RNF217: variants seen among roughly 807,000 people sequenced by gnomAD.
The protein encoded by RNF217 is E3 ubiquitin-protein ligase RNF217.
RNF217 carries 31 observed loss-of-function variants against 57.8 expected under a neutral mutation model. The observed-to-expected ratio is 0.54, with a 90% confidence interval of 0.40 to 0.72. The LOEUF is 0.72. Among genes scored for constraint, RNF217 ranks in the 30% least tolerant of loss-of-function variants. RNF217 has a pLI of 0.00. For missense variants in RNF217, 696 were observed against 708.3 expected, an observed-to-expected ratio of 0.98 and a Z score of 0.20; for synonymous variants, 313 against 294.0, an observed-to-expected ratio of 1.06 and a Z score of -0.66.
At chr6:124,980,295 CT>C (rs908499100) in intron 1 of RNF217, among the ~76,000 whole-genome samples, 1 of 152,228 alleles carries the variant, frequency 6.6e-6, no homozygotes, top group South Asian at 2.1e-4. Flanking sequence ...TTGCAATTTG[CT>C]TTTTTTCAGT....
At chr6:125,061,765 T>A (rs1787742743) in intron 3 of RNF217, among the ~76,000 whole-genome samples, 1 of 152,010 alleles carries the variant, frequency 6.6e-6, no homozygotes, top group African/African-American at 2.4e-5. Context: ...TTTATATATT[T>A]ACATATCTTT....
At chr6:125,061,165 C>A (rs1347664579) in intron 3 of RNF217, among the ~76,000 whole-genome samples, 2 of 151,374 alleles carry the variant, frequency 1.3e-5, no homozygotes, top group East Asian at 3.9e-4. Context: ...ATATTTTATA[C>A]CTTTGAAAGC....
chr6:124,983,375 AGAG>A, intron 1 of RNF217: 1 of 985,078 alleles, frequency 1.0e-6, no homozygotes, highest in Non-Finnish European at 1.2e-6. Context: ...TTTAGTATAC[AGAG>A]GAGGACACAA....
chr6:125,009,249 C>T (rs1215917095), intron 1 of RNF217: 2 of 1,610,500 alleles, frequency 1.2e-6, no homozygotes, highest in Non-Finnish European at 1.7e-6. Flanking sequence ...TCTTCTCATC[C>T]ACACCCATAA....
At chr6:125,053,901 G>T (rs1315134501) in intron 2 of RNF217, among the ~76,000 whole-genome samples, 2 of 152,098 alleles carry the variant, frequency 1.3e-5, no homozygotes, top group African/African-American at 4.8e-5. Context: ...ATAGTGCTTA[G>T]TAAAAGTTCA....
chr6:125,076,235 A>G (rs1788363369), intron 3 of RNF217, among the ~76,000 whole-genome samples: 1 of 152,144 alleles, frequency 6.6e-6, no homozygotes, highest in Admixed American at 6.6e-5. Context: ...CTTTTATGTA[A>G]TCCTTTCTTT....
At position 124,982,436 on chromosome 6, in the gene RNF217, T is replaced by G. The variant is rs149142643; in HGVS notation, c.882+19010T>G. Among the ~76,000 whole-genome samples the G allele has an allele frequency of 2.4e-3, 369 of 152,258 alleles. 2 individuals carry two copies. Among genetic ancestry groups the G allele is most frequent in the African/African-American group, 8.3e-3 (346 of 41,548 alleles). ...ACAAGATACTTTTTCAATATTTATC[T>G]CACTTTCCAGATACTTGGATATTTT... is the stretch of plus-strand genomic sequence containing the variant. On this transcript the variant is annotated intron_variant, in intron 1 of 5. Coordinates refer to ENST00000521654, the MANE Select transcript of RNF217 (RefSeq NM_001286398.3).
Position 124,966,629 on chromosome 6 carries a change from A to G in RNF217, c.882+3203A>G, listed in dbSNP as rs143297354. Among the ~76,000 whole-genome samples the G allele has an allele frequency of 2.3e-3, 352 of 152,368 alleles. 2 individuals carry two copies. Among genetic ancestry groups the G allele is most frequent in the African/African-American group, 8.0e-3 (332 of 41,588 alleles). ...CATTTAAGAAAATAAAAGAGTCCCT[A>G]TTAAACATTTTATGCCAACATTAAA... On this transcript the variant is annotated intron_variant, in intron 1 of 5. Transcript: ENST00000521654.
intron 4 of RNF217, among the ~76,000 whole-genome samples, chr6:125,080,837 A>G (rs1582786147): frequency 6.6e-6 from 1 of 152,190 alleles, no homozygotes; most frequent in African/African-American, 2.4e-5. Context: ...CGTTAAAATG[A>G]TTCACTTGAG....
chr6:125,009,274 G>A (rs1380460919), intron 1 of RNF217: 4 of 1,606,666 alleles, frequency 2.5e-6, no homozygotes, highest in Non-Finnish European at 2.6e-6. Flanking sequence ...GTTCAAGAAA[G>A]GGATGAAGGT....
At chr6:125,023,947 G>A (rs1263308148) in intron 1 of RNF217, among the ~76,000 whole-genome samples, 1 of 152,156 alleles carries the variant, frequency 6.6e-6, no homozygotes, top group Non-Finnish European at 1.5e-5. Flanking sequence ...CTAAGGAGAT[G>A]TTGTTCAAGA....
chr6:125,049,282 G>A (rs1460572498), intron 2 of RNF217, among the ~76,000 whole-genome samples: 3 of 151,900 alleles, frequency 2.0e-5, no homozygotes, highest in African/African-American at 7.3e-5. Flanking sequence ...TTATCACCTG[G>A]GATTTTATGA....
chr6:125,075,684 A>G (rs764171070), intron 3 of RNF217, among the ~76,000 whole-genome samples: 13 of 152,174 alleles, frequency 8.5e-5, no homozygotes, highest in Non-Finnish European at 1.6e-4. Flanking sequence ...TCAGCAATGT[A>G]ACCAAAATAT....
At chr6:125,050,285 T>G (rs919279990) in intron 2 of RNF217, among the ~76,000 whole-genome samples, 9 of 151,936 alleles carry the variant, frequency 5.9e-5, no homozygotes, top group African/African-American at 2.2e-4. Flanking sequence ...TTTGATGGTT[T>G]TCTTCAGACA....
chr6:125,068,162 G>A (rs1788006942), intron 3 of RNF217, among the ~76,000 whole-genome samples: 1 of 152,044 alleles, frequency 6.6e-6, no homozygotes, highest in Non-Finnish European at 1.5e-5. Flanking sequence ...CCTGATCTGG[G>A]CCCCTGTAGA....
chr6:125,017,751 T>G (rs900249970), intron 1 of RNF217, among the ~76,000 whole-genome samples: 8 of 152,110 alleles, frequency 5.3e-5, no homozygotes, highest in African/African-American at 1.9e-4. Flanking sequence ...ACTGACTGTA[T>G]TTTTTTATTG....
At chr6:124,991,077 T>TAAGA (rs1784545294) in intron 1 of RNF217, among the ~76,000 whole-genome samples, 1 of 152,122 alleles carries the variant, frequency 6.6e-6, no homozygotes, top group Non-Finnish European at 1.5e-5. Flanking sequence ...TTTAAAAATG[T>TAAGA]AAGACCTGAC....
chr6:124,966,574 G>T (rs1783552181), intron 1 of RNF217, among the ~76,000 whole-genome samples: 1 of 152,166 alleles, frequency 6.6e-6, no homozygotes, highest in Non-Finnish European at 1.5e-5. Flanking sequence ...ATTTCTTTTA[G>T]TTTGTGCCAC....
intron 1 of RNF217, among the ~76,000 whole-genome samples, chr6:125,022,631 T>TTTATCTTC (rs2114421703): frequency 6.6e-6 from 1 of 152,282 alleles, no homozygotes; most frequent in South Asian, 2.1e-4. Flanking sequence ...ACTGAACATT[T>TTTATCTTC]TTATCTTCTT....
Sources: allele counts gnomAD v4.1 joint callset (sites outside exome capture counted in the v4.1 genomes callset), GRCh38; gene constraint gnomAD v4.1.1; transcripts MANE v1.5; gene names NCBI Gene and HGNC (gene_info 2026-07-23, HGNC 2026-07-21).